CFAP61: variants seen among roughly 807,000 people sequenced by gnomAD.
CFAP61 encodes cilia- and flagella-associated protein 61.
In CFAP61, 107 loss-of-function variants were observed where a neutral mutation model predicts 135.6. The observed-to-expected ratio is 0.79, with a 90% CI of 0.67 to 0.93. The LOEUF is 0.93. Among genes scored for constraint, CFAP61 ranks in the 40% least tolerant of loss-of-function variants. CFAP61 has a pLI of 0.00. For missense variants in CFAP61, 1,507 were observed against 1,556.2 expected, an observed-to-expected ratio of 0.97 and a Z score of 0.53; for synonymous variants, 575 against 578.5, an observed-to-expected ratio of 0.99 and a Z score of 0.09.
intron 19 of CFAP61, 91 bp downstream of exon 19, chr20:20,246,306 G>A: frequency 1.2e-6 from 1 of 865,526 alleles, no homozygotes; most frequent in East Asian, 2.4e-5. Context: ...TTTCAGATTG[G>A]AAAAGGAGAA....
rs1363603009 is a variant in CFAP61 at position 20,269,192 on chromosome 20, T to C, written c.2503+6062T>C. 7.4e-5 allele frequency among the ~76,000 whole-genome samples: 7 copies of C among 94,728 alleles called. No homozygotes were observed. The South Asian group carries it at 9.7e-4, about 13-fold the overall frequency. The allele number at this position is 94,728 out of a possible 152,430, so 62.1% of individuals were successfully genotyped here. A position where few individuals can be genotyped will look rare whatever the true frequency, so the allele number is the denominator to read the frequency against. ...ACATATATGTATATACACACACATA[T>C]ATACATATATGTATATATACACATA... On this transcript the variant is annotated intron_variant, in intron 21 of 26. Transcript: ENST00000245957.
At chr20:20,217,464 T>C (rs1347930256) in intron 17 of CFAP61, among the ~76,000 whole-genome samples, 1 of 152,078 alleles carries the variant, frequency 6.6e-6, no homozygotes, top group Non-Finnish European at 1.5e-5. Context: ...AAAATAAATA[T>C]GAAATAAATA....
intron 13 of CFAP61, among the ~76,000 whole-genome samples, chr20:20,172,728 A>G (rs1416673661): frequency 6.6e-6 from 1 of 152,228 alleles, no homozygotes; most frequent in African/African-American, 2.4e-5. Flanking sequence ...CTCTCGCATC[A>G]TGAACATCCA....
intron 8 of CFAP61, among the ~76,000 whole-genome samples, chr20:20,106,066 G>C (rs905624293): frequency 1.7e-5 from 2 of 115,370 alleles, no homozygotes; most frequent in East Asian, 6.8e-4. Flanking sequence ...TGATTTTCTA[G>C]AATCTACTTT....
chr20:20,133,578 T>C (rs1479779833), intron 8 of CFAP61, among the ~76,000 whole-genome samples: 1 of 152,208 alleles, frequency 6.6e-6, no homozygotes, highest in Non-Finnish European at 1.5e-5. Flanking sequence ...ACAGGGAATA[T>C]GAAGAATCAG....
At chr20:20,082,258 G>A (rs142881066) in intron 6 of CFAP61, among the ~76,000 whole-genome samples, 11 of 152,332 alleles carry the variant, frequency 7.2e-5, no homozygotes, top group Non-Finnish European at 1.5e-4. Flanking sequence ...CACTGAACCA[G>A]TGAAGGGTTT....
At chr20:20,140,317 A>G (rs945845964) in intron 8 of CFAP61, among the ~76,000 whole-genome samples, 2 of 150,878 alleles carry the variant, frequency 1.3e-5, no homozygotes, top group African/African-American at 4.9e-5. Context: ...AGCATTAGGT[A>G]TATCTCCTAA....
At chr20:20,193,770 C>A (rs550407106) in intron 15 of CFAP61, among the ~76,000 whole-genome samples, 3 of 152,088 alleles carry the variant, frequency 2.0e-5, no homozygotes, top group African/African-American at 4.8e-5. Context: ...TGCACCACCA[C>A]GCACGGCTAA....
intron 17 of CFAP61, among the ~76,000 whole-genome samples, chr20:20,226,498 T>C (rs976670629): frequency 5.9e-5 from 9 of 152,318 alleles, no homozygotes; most frequent in African/African-American, 1.7e-4. Flanking sequence ...CACAGCCCTA[T>C]TGTGGCAATA....
intron 11 of CFAP61, among the ~76,000 whole-genome samples, chr20:20,165,083 GA>G (rs1477935630): frequency 6.6e-6 from 1 of 152,186 alleles, no homozygotes; most frequent in Non-Finnish European, 1.5e-5. Flanking sequence ...TTTGGGTGGG[GA>G]CACAGCCAAA....
chr20:20,109,909 C>CT lies in CFAP61; in HGVS notation c.859+11109dup, dbSNP rs1231325875. Among the ~76,000 whole-genome samples, 798 of 143,282 alleles carry CT rather than the reference C, an allele frequency of 5.6e-3. 5 individuals are homozygous for CT. The highest frequency in any genetic ancestry group is 9.1e-3 in the Non-Finnish European group (591 of 65,136). The allele number at this position is 143,282 out of a possible 152,430, so 94.0% of individuals were successfully genotyped here. A position where few individuals can be genotyped will look rare whatever the true frequency, so the allele number is the denominator to read the frequency against. ...TAATTGTCTAATTGCCTGATTCATT[C>CT]TTTTTTTTTTTTTTGAGACGGAGTC... On this transcript the variant is annotated intron_variant, in intron 8 of 26. Transcript: ENST00000245957.
chr20:20,258,149 A>T (rs2051811348), intron 20 of CFAP61, among the ~76,000 whole-genome samples: 2 of 152,224 alleles, frequency 1.3e-5, no homozygotes, highest in South Asian at 4.1e-4. Flanking sequence ...ATATAAGAGA[A>T]ATACCCAATC....
Position 20,277,207 on chromosome 20 carries a change from A to G in CFAP61, c.2545A>G (p.Thr849Ala). ...VYGNTIDTYT[T>A]VETLLNLGVS... The stretch of plus-strand genomic sequence containing the variant: ...TGGGAATACAATTGATACTTACACC[A>G]CCGTGGAGACGCTCTTAAACCTTGG... The change falls in exon 22 of 27, where the codon ACC (threonine) becomes GCC (alanine). Residue 849 changes from threonine to alanine, a missense_variant. Transcript: ENST00000245957. 2 of 1,613,570 alleles carry G rather than the reference A, an allele frequency of 1.2e-6. No homozygotes were observed. Among genetic ancestry groups the G allele is most frequent in the Non-Finnish European group, 8.5e-7 (1 of 1,179,822 alleles).
rs1277233037 is a variant in CFAP61, at chr20:20,106,000, C to CTATACATATATATA, written c.859+7190_859+7191insCATATATATATATA. On this transcript the variant is annotated intron_variant, in intron 8 of 26. Coordinates refer to ENST00000245957, the MANE Select transcript of CFAP61 (RefSeq NM_015585.4). ...CTTCGAAAGCTTTAGCTACTCTTGC[C>CTATACATATATATA]TATATATATATATATATATATATAT... 2.3e-3 allele frequency among the ~76,000 whole-genome samples: 239 copies of CTATACATATATATA among 102,572 alleles called. 34 individuals are homozygous for CTATACATATATATA. The highest frequency in any genetic ancestry group is 0.019 in the East Asian group (34 of 1,784). 67.3% of individuals were successfully genotyped at this position (102,572 alleles called of 152,430 possible).
chr20:20,096,709 T>G (rs185357874), intron 7 of CFAP61, among the ~76,000 whole-genome samples: 64 of 152,314 alleles, frequency 4.2e-4, no homozygotes, highest in African/African-American at 1.5e-3. Context: ...GATGGATTGG[T>G]TAATCAGCGT....
chr20:20,253,418 C>T (rs1358141713), intron 20 of CFAP61: 4 of 261,910 alleles, frequency 1.5e-5, no homozygotes, highest in Non-Finnish European at 3.0e-5. Context: ...GCTCATCTCA[C>T]TGTGGCAGGC....
At chr20:20,055,839 T>G in intron 1 of CFAP61, 4 of 815,458 alleles carry the variant, frequency 4.9e-6, no homozygotes, top group Non-Finnish European at 8.4e-6. Flanking sequence ...CTGGCTAGTA[T>G]ATAATAAAAT....
intron 25 of CFAP61, among the ~76,000 whole-genome samples, chr20:20,313,583 G>A (rs554374074): frequency 4.6e-5 from 7 of 152,300 alleles, no homozygotes; most frequent in East Asian, 1.9e-4. Flanking sequence ...ATCCAGTCCC[G>A]GGTTCTAACA....
chr20:20,092,615 C>T (rs1488477907), intron 7 of CFAP61, among the ~76,000 whole-genome samples: 2 of 149,026 alleles, frequency 1.3e-5, no homozygotes, highest in Non-Finnish European at 3.0e-5. Context: ...AGAATATATA[C>T]AAAGAACTCT....
Sources: allele counts gnomAD v4.1 joint callset (sites outside exome capture counted in the v4.1 genomes callset), GRCh38; gene constraint gnomAD v4.1.1; transcripts MANE v1.5; gene names NCBI Gene and HGNC (gene_info 2026-07-23, HGNC 2026-07-21).